The following TECPR2 variants were observed in gnomAD, a reference collection of about 807,000 sequenced individuals.
TECPR2 encodes the protein tectonin beta-propeller repeat containing 2, also known as tectonin beta-propeller repeat-containing protein 2.
In TECPR2, 65 loss-of-function variants were observed where a neutral mutation model predicts 138.1. That is an observed-to-expected ratio of 0.47 (90% CI 0.39 to 0.58). TECPR2 has a LOEUF of 0.58. Among genes scored for constraint, TECPR2 ranks in the 20% least tolerant of loss-of-function variants. The pLI is 0.00. For synonymous variants in TECPR2, 746 were observed against 749.8 expected (o/e 0.99, Z 0.08); for missense variants, 1,553 against 1,824.5 (o/e 0.85, Z 2.71).
intron 1 of TECPR2, among the ~76,000 whole-genome samples, chr14:102,366,426 A>G (rs564266920): frequency 6.6e-6 from 1 of 152,292 alleles, no homozygotes; most frequent in African/African-American, 2.4e-5. Flanking sequence ...GGTTCACTGC[A>G]GCCTCCACCT....
chr14:102,364,109 G>C (rs970344532), intron 1 of TECPR2, among the ~76,000 whole-genome samples: 2 of 152,316 alleles, frequency 1.3e-5, no homozygotes, highest in Middle Eastern at 3.4e-3. Context: ...ATCTATTGGA[G>C]TGACCAGTTG....
intron 17 of TECPR2, among the ~76,000 whole-genome samples, chr14:102,492,976 G>C (rs1891188712): frequency 6.6e-6 from 1 of 152,328 alleles, no homozygotes; most frequent in South Asian, 2.1e-4. Context: ...GAAGAGGAAA[G>C]GGATGCGGGG....
chr14:102,438,707 C>G (rs890637117), intron 10 of TECPR2, among the ~76,000 whole-genome samples: 1 of 152,140 alleles, frequency 6.6e-6, no homozygotes, highest in African/African-American at 2.4e-5. Context: ...ACAGTCTACT[C>G]CCTGACTCTA....
At chr14:102,474,152 C>T (rs1890704214) in intron 17 of TECPR2, among the ~76,000 whole-genome samples, 2 of 152,110 alleles carry the variant, frequency 1.3e-5, no homozygotes, top group Admixed American at 1.3e-4. Flanking sequence ...CCAGCTACTC[C>T]AGCTACTCAG....
intron 17 of TECPR2, among the ~76,000 whole-genome samples, chr14:102,481,762 C>T (rs1043467738): frequency 2.0e-5 from 3 of 152,194 alleles, no homozygotes; most frequent in South Asian, 2.1e-4. Context: ...AATGCTGCTT[C>T]GGGAGCTGTG....
intron 1 of TECPR2, among the ~76,000 whole-genome samples, chr14:102,365,341 C>A (rs1597755835): frequency 6.6e-6 from 1 of 152,142 alleles, no homozygotes; most frequent in South Asian, 2.1e-4. Context: ...AACCAAGTAT[C>A]TGAGGGAATT....
rs1888972917 is a variant in TECPR2 at position 102,414,680 on chromosome 14, T to C, written c.525T>C (p.Ile175=). The change falls in exon 5 of 20, where the codon ATT becomes ATC. Residue 175 remains isoleucine, a synonymous_variant. Transcript: ENST00000359520. ...SQLVLEEPSS[I]VQLDYSQKVL... is the part of the protein sequence containing the mutation. ...TGGTGTTGGAGGAGCCATCTTCCAT[T>C]GTGCAGCTGGATTATAGCCAGAAAG... The C allele has an allele frequency of 6.2e-7, 1 of 1,614,106 alleles. No individual in the cohort carries two copies. The highest frequency in any genetic ancestry group is 1.3e-5 in the African/African-American group (1 of 74,932).
chr14:102,363,585 G>GAGTGGATA (rs1273879472), intron 1 of TECPR2, among the ~76,000 whole-genome samples: 2 of 152,284 alleles, frequency 1.3e-5, no homozygotes, highest in Non-Finnish European at 2.9e-5. Context: ...AGTGTTCGAT[G>GAGTGGATA]AGTGGATAAG....
intron 2 of TECPR2, among the ~76,000 whole-genome samples, chr14:102,389,433 C>G (rs1888106297): frequency 6.6e-6 from 1 of 152,128 alleles, no homozygotes; most frequent in Non-Finnish European, 1.5e-5. Flanking sequence ...GGAGAAGTTG[C>G]TATTAGGTAA....
intron 16 of TECPR2, among the ~76,000 whole-genome samples, chr14:102,461,047 A>G (rs550129225): frequency 6.6e-6 from 1 of 152,094 alleles, no homozygotes; most frequent in African/African-American, 2.4e-5. Context: ...CCCTATACAA[A>G]TTACCAGAGC....
rs12587464 is a variant in TECPR2, at chr14:102,420,224, G to T, written c.639-4755G>T. Among the ~76,000 whole-genome samples, 3 of 152,104 alleles carry T rather than the reference G, an allele frequency of 2.0e-5. No homozygotes were observed. The South Asian group carries it at 6.2e-4, about 32-fold the overall frequency. On this transcript the variant is annotated intron_variant, in intron 5 of 19. Transcript: ENST00000359520. This position sits in a 1 kb window ranked among gnomAD's most constrained non-coding sequence, Gnocchi z 4.1. ...TAAAATTTTTTTAGGTAATCAATGA[G>T]GTTTTTGGAAATCATCTCTACCGAA...
intron 6 of TECPR2, among the ~76,000 whole-genome samples, chr14:102,425,886 T>G (rs1187246461): frequency 2.0e-5 from 3 of 149,932 alleles, no homozygotes; most frequent in African/African-American, 7.4e-5. Flanking sequence ...TTTTTTTGTT[T>G]TTTTTTTTTG....
At chr14:102,493,845 G>A (rs938379088) in intron 17 of TECPR2, among the ~76,000 whole-genome samples, 1 of 152,234 alleles carries the variant, frequency 6.6e-6, no homozygotes, top group Non-Finnish European at 1.5e-5. Flanking sequence ...CGTGGAAAGT[G>A]GCTCGGGCTT....
At position 102,410,036 on chromosome 14, in the gene TECPR2, C is replaced by T. The variant is rs573653387; in HGVS notation, c.480+1417C>T. ...AGCCAGGATGGTTTCAATCTCCTGA[C>T]CCTGTGATTGAAATCTCCCACCTCA... On this transcript the variant is annotated intron_variant, in intron 4 of 19. Coordinates refer to ENST00000359520, the MANE Select transcript of TECPR2 (RefSeq NM_014844.5). Among the ~76,000 whole-genome samples, 17 of 150,836 alleles carry T rather than the reference C, an allele frequency of 1.1e-4. No homozygotes were observed. The South Asian group carries it at 2.7e-3, about 24-fold the overall frequency.
chr14:102,417,024 C>T (rs939394630), intron 5 of TECPR2, among the ~76,000 whole-genome samples: 1 of 152,128 alleles, frequency 6.6e-6, no homozygotes, highest in Non-Finnish European at 1.5e-5. Flanking sequence ...AAACCTGGCC[C>T]TTTAACCTCT....
rs74950074 is a variant in TECPR2 at position 102,427,446 on chromosome 14, G to A, written c.952-804G>A. Reference sequence around the variant, plus strand: ...AGTGGCAGCATGACTGGCAGCTTTCGGAAACAAATGTTATGTTTGCAGCAG... The same window carrying A: ...AGTGGCAGCATGACTGGCAGCTTTCAGAAACAAATGTTATGTTTGCAGCAG... On this transcript the variant is annotated intron_variant, in intron 6 of 19. Transcript: ENST00000359520. Among the ~76,000 whole-genome samples the A allele has an allele frequency of 8.3e-3, 1,270 of 152,212 alleles. 20 individuals are homozygous for A. Among genetic ancestry groups the A allele is most frequent in the African/African-American group, 0.029 (1,198 of 41,514 alleles).
At chr14:102,436,858 C>T (rs897046343) in intron 9 of TECPR2, among the ~76,000 whole-genome samples, 5 of 152,198 alleles carry the variant, frequency 3.3e-5, no homozygotes, top group African/African-American at 4.8e-5. Context: ...CTGCAGGAAG[C>T]GCAAGCAGCA....
chr14:102,407,370 G>A lies in TECPR2; in HGVS notation c.252G>A (p.Leu84=), dbSNP rs754936167. The A allele has an allele frequency of 6.2e-7, 1 of 1,613,120 alleles. No individual in the cohort carries two copies. Among genetic ancestry groups the A allele is most frequent in the Non-Finnish European group, 8.5e-7 (1 of 1,179,584 alleles). The change falls in exon 3 of 20, where the codon CTG becomes CTA. Residue 84 remains leucine (L), a synonymous_variant. Coordinates refer to ENST00000359520, the MANE Select transcript of TECPR2 (RefSeq NM_014844.5). ...GKTESITVVK[L]LSCFDDLVAA... ...CGGAATCTATCACTGTGGTGAAGCT[G>A]CTGAGCTGCTTTGATGACCTGGTGG...
chr14:102,426,492 C>A (rs902057729), intron 6 of TECPR2, among the ~76,000 whole-genome samples: 1 of 152,200 alleles, frequency 6.6e-6, no homozygotes, highest in Non-Finnish European at 1.5e-5. Flanking sequence ...TTCTTCCATT[C>A]TGAGCTCAGC....
Sources: gnomAD v4.1 joint callset for allele counts (sites outside exome capture counted in the v4.1 genomes callset) on GRCh38, gnomAD v4.1.1 for gene constraint, Gnocchi (gnomAD v3.1) non-coding constraint, MANE v1.5 for transcripts, NCBI Gene and HGNC (gene_info 2026-07-23, HGNC 2026-07-21) for gene names.